SPATA16: variants seen among roughly 807,000 people sequenced by gnomAD.
The protein encoded by SPATA16 is spermatogenesis-associated protein 16.
Under a neutral mutation model 63.3 loss-of-function variants are expected in SPATA16, and 36 were observed. That is an observed-to-expected ratio of 0.57 (90% CI 0.44 to 0.75). SPATA16 has a LOEUF of 0.75. Among genes scored for constraint, SPATA16 ranks in the 30% least tolerant of loss-of-function variants. The pLI, the probability that SPATA16 is intolerant of heterozygous loss-of-function variation, is 0.00. For missense variants in SPATA16, 646 were observed against 679.3 expected, an observed-to-expected ratio of 0.95 and a Z score of 0.54; for synonymous variants, 203 against 216.7, an observed-to-expected ratio of 0.94 and a Z score of 0.56.
At chr3:173,119,587 C>T (rs946344348) in intron 1 of SPATA16, among the ~76,000 whole-genome samples, 7 of 152,094 alleles carry the variant, frequency 4.6e-5, no homozygotes, top group African/African-American at 1.4e-4. Context: ...AAAGCTAAAT[C>T]CTAGAATATT....
chr3:172,917,356 C>A (rs187165506), intron 8 of SPATA16, among the ~76,000 whole-genome samples: 18 of 152,180 alleles, frequency 1.2e-4, no homozygotes, highest in African/African-American at 3.6e-4. Context: ...AACATAAAAG[C>A]CTTGAGTTTC....
chr3:172,931,144 T>C (rs1238956049), intron 6 of SPATA16, among the ~76,000 whole-genome samples: 3 of 152,188 alleles, frequency 2.0e-5, no homozygotes, highest in African/African-American at 7.2e-5. Flanking sequence ...AAGGAACATT[T>C]ATGTTCACTC....
intron 2 of SPATA16, among the ~76,000 whole-genome samples, chr3:173,077,243 T>A (rs1039453158): frequency 1.3e-5 from 2 of 152,214 alleles, no homozygotes. Flanking sequence ...TCACAAAGTT[T>A]GTTTTCTGAT....
chr3:172,930,277 A>G (rs73882530), intron 6 of SPATA16, among the ~76,000 whole-genome samples: 3,013 of 152,276 alleles, frequency 0.02, 103 homozygotes, highest in African/African-American at 0.07. Context: ...CCTGGCATTC[A>G]AGGCTCTCAG....
rs149616918 is a variant in SPATA16, at chr3:172,911,818, G to A, written c.1587+1843C>T. Among the ~76,000 whole-genome samples, 34 of 152,180 alleles carry A rather than the reference G, an allele frequency of 2.2e-4. No homozygotes were observed. The East Asian group carries it at 5.8e-3, about 26-fold the overall frequency. On this transcript the variant is annotated intron_variant, in intron 10 of 10. Coordinates refer to ENST00000351008, the MANE Select transcript of SPATA16 (RefSeq NM_031955.6). The stretch of plus-strand genomic sequence containing the variant: ...GGCTTCCTGAATATTTCTTAGGTCC[G>A]TCTGCTTTCTCTTCTTCTCTGTGCC...
chr3:172,976,631 CT>C (rs1201905160), intron 5 of SPATA16, among the ~76,000 whole-genome samples: 3 of 151,938 alleles, frequency 2.0e-5, no homozygotes, highest in Admixed American at 2.0e-4. Context: ...TTTTTACAGG[CT>C]GTAGATCAGT....
At chr3:173,013,043 TTTATAAGGAAC>T (rs1317803736) in intron 4 of SPATA16, among the ~76,000 whole-genome samples, 2 of 152,084 alleles carry the variant, frequency 1.3e-5, no homozygotes, top group African/African-American at 4.8e-5. Context: ...ATATCCAGAA[TTTATAAGGAAC>T]TTAAGCAAAA....
rs143143927 is a variant in SPATA16 at position 173,140,477 on chromosome 3, A to G, written c.-19+626T>C. 1.8e-3 allele frequency among the ~76,000 whole-genome samples: 274 copies of G among 152,342 alleles called. 2 individuals are homozygous for G. The highest frequency in any genetic ancestry group is 6.4e-3 in the African/African-American group (265 of 41,576). On this transcript the variant is annotated intron_variant, in intron 1 of 10. Transcript: ENST00000351008. ...TTCATTCATTCATTTACTCATTCAT[A>G]CAGCAAACATTTCAGAGCACGCATT... is the stretch of plus-strand genomic sequence containing the variant.
intron 3 of SPATA16, among the ~76,000 whole-genome samples, chr3:173,023,137 A>ATGTGTTTG (rs1553794209): frequency 0.028 from 3,924 of 139,942 alleles, 95 homozygotes; most frequent in African/African-American, 0.067. Context: ...ATGCTTGTGT[A>ATGTGTTTG]TGTGTGTGTG....
intron 1 of SPATA16, among the ~76,000 whole-genome samples, chr3:173,120,948 G>C (rs190511068): frequency 2.0e-5 from 3 of 152,192 alleles, no homozygotes. Flanking sequence ...ATAACAGGGG[G>C]AAAAATTATA....
At chr3:173,073,968 A>T (rs1487993224) in intron 2 of SPATA16, among the ~76,000 whole-genome samples, 1 of 152,218 alleles carries the variant, frequency 6.6e-6, no homozygotes, top group East Asian at 1.9e-4. Flanking sequence ...TGACCTGGAT[A>T]AGAGACATGG....
intron 4 of SPATA16, among the ~76,000 whole-genome samples, chr3:173,006,409 A>G (rs1388509900): frequency 6.6e-6 from 1 of 152,234 alleles, no homozygotes; most frequent in Non-Finnish European, 1.5e-5. Context: ...GGCTTCATTT[A>G]ATCTATTTGT....
intron 3 of SPATA16, among the ~76,000 whole-genome samples, chr3:173,030,096 ATCT>A (rs1735568017): frequency 6.7e-6 from 1 of 149,022 alleles, no homozygotes; most frequent in Non-Finnish European, 1.5e-5. Flanking sequence ...CTATCTATCT[ATCT>A]ATCTACCCAC....
chr3:172,995,149 G>T (rs951929076), intron 4 of SPATA16, among the ~76,000 whole-genome samples: 6 of 152,038 alleles, frequency 3.9e-5, no homozygotes, highest in African/African-American at 1.4e-4. Context: ...AAAGGGGATA[G>T]AACCTTTGGA....
chr3:173,104,081 G>T (rs1487170728), intron 2 of SPATA16, among the ~76,000 whole-genome samples: 3 of 152,104 alleles, frequency 2.0e-5, no homozygotes, highest in Non-Finnish European at 4.4e-5. Context: ...CTTTGCTAAG[G>T]CATAACAAGG....
intron 4 of SPATA16, among the ~76,000 whole-genome samples, chr3:173,007,344 C>T (rs1350674077): frequency 1.3e-5 from 2 of 151,892 alleles, no homozygotes; most frequent in South Asian, 2.1e-4. Context: ...AGGACAGGTG[C>T]GGAGGATGAT....
At chr3:173,093,040 AAC>A (rs57114377) in intron 2 of SPATA16, among the ~76,000 whole-genome samples, 13,620 of 142,372 alleles carry the variant, frequency 0.096, 784 homozygotes, top group Non-Finnish European at 0.13. Flanking sequence ...ATGCACCTAA[AAC>A]ACACACACAC....
chr3:172,975,285 GTCTT>G (rs1734128471), intron 5 of SPATA16, among the ~76,000 whole-genome samples: 1 of 152,110 alleles, frequency 6.6e-6, no homozygotes, highest in Non-Finnish European at 1.5e-5. Flanking sequence ...GTCTTACTTT[GTCTT>G]AGGTTATGCT....
intron 2 of SPATA16, among the ~76,000 whole-genome samples, chr3:173,075,883 T>C (rs530511261): frequency 6.6e-6 from 1 of 152,282 alleles, no homozygotes; most frequent in East Asian, 1.9e-4. Context: ...TAATTAATAA[T>C]ACTTTATTGT....
Sources: gnomAD v4.1 joint callset for allele counts (sites outside exome capture counted in the v4.1 genomes callset) on GRCh38, gnomAD v4.1.1 for gene constraint, MANE v1.5 for transcripts, NCBI Gene and HGNC (gene_info 2026-07-23, HGNC 2026-07-21) for gene names.